Variants in CHD6 observed in about 807,000 individuals in gnomAD.
CHD6 encodes chromodomain helicase DNA binding protein 6.
CHD6 carries 50 observed loss-of-function variants against 276.9 expected under a neutral mutation model. That is an observed-to-expected ratio of 0.18 (90% confidence interval 0.14 to 0.23). The LOEUF (loss-of-function observed/expected upper bound fraction) is 0.23. CHD6 is among the 10% of genes least tolerant of loss of function. The pLI is 1.00. For missense variants in CHD6, 2,564 were observed against 3,365.8 expected, an observed-to-expected ratio of 0.76 and a Z score of 5.89; for synonymous variants, 1,173 against 1,229.3, an observed-to-expected ratio of 0.95 and a Z score of 0.96.
intron 1 of CHD6, among the ~76,000 whole-genome samples, chr20:41,575,909 A>G (rs1349895850): frequency 6.6e-6 from 1 of 152,198 alleles, no homozygotes; most frequent in Non-Finnish European, 1.5e-5. Context: ...ATAAAATCCC[A>G]TAATTCTATG....
chr20:41,473,584 T>C lies in CHD6; in HGVS notation c.2469-67A>G. The stretch of plus-strand genomic sequence containing the variant: ...GACTTCAATGGAGAACAGCACAAAA[T>C]GCAGGAAGCTGTCGACTGATGGCCT... On this transcript the variant is annotated intron_variant, in intron 16 of 36. Coordinates refer to ENST00000373233, the MANE Select transcript of CHD6 (RefSeq NM_032221.5). The surrounding 1 kb of genome is among the most constrained non-coding windows in gnomAD (Gnocchi z 4.1). The C allele has an allele frequency of 2.3e-6, 3 of 1,330,974 alleles. No individual in the cohort carries two copies. In the South Asian group the frequency reaches 3.7e-5, roughly 17 times the overall value. 82.4% of individuals were successfully genotyped at this position (1,330,974 alleles called of 1,614,324 possible).
intron 2 of CHD6, among the ~76,000 whole-genome samples, chr20:41,538,609 T>C (rs1159788531): frequency 6.6e-6 from 1 of 152,216 alleles, no homozygotes; most frequent in Non-Finnish European, 1.5e-5. Context: ...ATTGCACATT[T>C]TTAAAGGGTG....
intron 29 of CHD6, among the ~76,000 whole-genome samples, chr20:41,424,693 C>G (rs1361154107): frequency 1.3e-5 from 2 of 152,304 alleles, no homozygotes; most frequent in South Asian, 4.1e-4. Context: ...CTTCTGTAAG[C>G]CTTTTAGGGC....
chr20:41,575,756 C>T (rs1050400775), intron 1 of CHD6, among the ~76,000 whole-genome samples: 5 of 152,082 alleles, frequency 3.3e-5, no homozygotes, highest in African/African-American at 1.2e-4. Flanking sequence ...ATGGTTTGTC[C>T]CTCCGAGGAG....
intron 5 of CHD6, among the ~76,000 whole-genome samples, chr20:41,501,320 G>A (rs1178255386): frequency 3.9e-5 from 6 of 152,164 alleles, no homozygotes; most frequent in Non-Finnish European, 7.3e-5. Context: ...ACATCTTGAC[G>A]AATTTTTACA....
rs759903834 is a variant in CHD6, at chr20:41,497,443, C to T, written c.1033G>A (p.Ala345Thr). ...MEELEKDPRI[A>T]QKIKRFRNKQ... is the part of the protein sequence containing the mutation. ...TTCCTAAATCGCTTGATCTTCTGTG[C>T]GATGCGAGGATCCTTTTCGAGCTCT... is the stretch of plus-strand genomic sequence containing the variant. The change falls in exon 8 of 37, where the codon GCA (alanine) becomes ACA (threonine). Residue 345 changes from alanine (A) to threonine (T), a missense_variant. Physicochemically the swap from Ala to Thr is moderately conservative, Grantham distance 58. Around this residue, in one of 7 missense-constraint regions of CHD6, gnomAD observed 457 missense variants for 889.0 expected, o/e 0.51. Transcript: ENST00000373233. The T allele has an allele frequency of 1.5e-5, 25 of 1,613,702 alleles. No homozygotes were observed. The Admixed American group carries it at 3.5e-4, about 23-fold the overall frequency.
chr20:41,521,123 T>G (rs2044382915), intron 3 of CHD6, among the ~76,000 whole-genome samples: 1 of 152,160 alleles, frequency 6.6e-6, no homozygotes, highest in Non-Finnish European at 1.5e-5. Context: ...CTGTTAAAGT[T>G]CTACATATTA....
rs1225841252 is a variant in CHD6 at position 41,533,375 on chromosome 20, T to A, written c.229A>T (p.Thr77Ser). The A allele has an allele frequency of 6.2e-7, 1 of 1,614,048 alleles. No individual in the cohort carries two copies. Among genetic ancestry groups the A allele is most frequent in the Admixed American group, 1.7e-5 (1 of 60,010 alleles). Residue 77 changes from threonine to serine, a missense_variant, in exon 3 of 37, where the codon ACA becomes TCA. Coordinates refer to ENST00000373233, the MANE Select transcript of CHD6 (RefSeq NM_032221.5). ...EAATLFPRKM[T>S]SHNGMEDSGG... Reference sequence around the variant, plus strand: ...CTGTCCTCCATCCCATTATGGGATGTCATTTTCCTAGGAAAAAGGGTAGCA... The same window carrying A: ...CTGTCCTCCATCCCATTATGGGATGACATTTTCCTAGGAAAAAGGGTAGCA...
chr20:41,564,236 G>T, intron 1 of CHD6: 2 of 580,908 alleles, frequency 3.4e-6, no homozygotes, highest in South Asian at 2.4e-5. Context: ...CGCTAAAAAT[G>T]ATCTAGATGA....
intron 1 of CHD6, among the ~76,000 whole-genome samples, chr20:41,587,906 A>C (rs1437074704): frequency 1.3e-5 from 2 of 152,182 alleles, no homozygotes; most frequent in South Asian, 4.1e-4. Flanking sequence ...AAAAGAATAA[A>C]GCATTAAGCA....
rs547629177 is a variant in CHD6, at chr20:41,480,185, A to C, written c.2468+3124T>G. On this transcript the variant is annotated intron_variant, in intron 16 of 36. Coordinates refer to ENST00000373233, the MANE Select transcript of CHD6 (RefSeq NM_032221.5). ...AAGAAGATCTGATTTAAGAGGAAAAAAAAGAAAGCTGTCAGCATGAGAAAC... is the reference window on the plus strand; with the variant it reads ...AAGAAGATCTGATTTAAGAGGAAAACAAAGAAAGCTGTCAGCATGAGAAAC... 1.4e-3 allele frequency among the ~76,000 whole-genome samples: 211 copies of C among 152,320 alleles called. 1 individual carries two copies. The Middle Eastern group carries it at 0.02, about 15-fold the overall frequency.
chr20:41,611,877 A>G (rs963501852), intron 1 of CHD6, among the ~76,000 whole-genome samples: 2 of 152,150 alleles, frequency 1.3e-5, no homozygotes, highest in African/African-American at 4.8e-5. Context: ...ACCTCAGGTG[A>G]TCGACCTGCC....
At chr20:41,414,606 C>G (rs910043266) in intron 34 of CHD6, 23 of 192,180 alleles carry the variant, frequency 1.2e-4, no homozygotes, top group South Asian at 3.7e-4. Flanking sequence ...CGGTTTCTGA[C>G]CTTTTCTGTT....
intron 2 of CHD6, among the ~76,000 whole-genome samples, chr20:41,550,989 T>C (rs1324366804): frequency 6.6e-6 from 1 of 152,204 alleles, no homozygotes; most frequent in African/African-American, 2.4e-5. Context: ...ATATAAAGAA[T>C]TGGTCACATC....
chr20:41,512,546 T>C (rs2044145313), intron 5 of CHD6, among the ~76,000 whole-genome samples: 1 of 151,762 alleles, frequency 6.6e-6, no homozygotes, highest in Non-Finnish European at 1.5e-5. Flanking sequence ...GAACTGTTAG[T>C]TCAAGGCATT....
Position 41,514,882 on chromosome 20 carries a change from T to C in CHD6, c.625A>G (p.Ser209Gly). The C allele has an allele frequency of 6.2e-7, 1 of 1,614,052 alleles. No individual in the cohort carries two copies. ...GKRKSETTVESLELDQGLTNP... is the reference protein window; with the variant it reads ...GKRKSETTVEGLELDQGLTNP... The stretch of plus-strand genomic sequence containing the variant: ...GTCAGGCCCTGATCCAGCTCTAAAC[T>C]CTCCACTGTAGTTTCACTTTTCCTT... Residue 209 changes from serine (S) to glycine (G), a missense_variant, in exon 4 of 37, where the codon AGT becomes GGT. This residue lies in a region of CHD6 where 286 missense variants were observed against 297.8 expected (regional missense o/e 0.96). Coordinates refer to ENST00000373233, the MANE Select transcript of CHD6 (RefSeq NM_032221.5).
chr20:41,534,559 A>G (rs1237552678), intron 2 of CHD6, among the ~76,000 whole-genome samples: 2 of 151,598 alleles, frequency 1.3e-5, no homozygotes, highest in African/African-American at 4.8e-5. Flanking sequence ...GAAAAAGATG[A>G]AAGAAAGGAA....
chr20:41,526,819 T>C (rs985332438), intron 3 of CHD6, among the ~76,000 whole-genome samples: 2 of 152,192 alleles, frequency 1.3e-5, no homozygotes, highest in Non-Finnish European at 2.9e-5. Context: ...GAAACATGTT[T>C]CTCAAAGGAT....
chr20:41,453,864 C>T (rs762052257), intron 20 of CHD6, among the ~76,000 whole-genome samples: 16 of 152,152 alleles, frequency 1.1e-4, no homozygotes, highest in Non-Finnish European at 2.1e-4. Context: ...AACCTGTGGT[C>T]GTTCTGGCTG....
Sources: allele counts gnomAD v4.1 joint callset (sites outside exome capture counted in the v4.1 genomes callset), GRCh38; gene constraint gnomAD v4.1.1; regional missense constraint gnomAD v4.1.1; non-coding constraint Gnocchi (gnomAD v3.1); transcripts MANE v1.5; gene names NCBI Gene and HGNC (gene_info 2026-07-23, HGNC 2026-07-21).